Variants in FHIT observed in about 807,000 individuals in gnomAD.
The protein encoded by FHIT is fragile histidine triad diadenosine triphosphatase.
Under a neutral mutation model 17.9 loss-of-function variants are expected in FHIT, and 19 were observed. That is an observed-to-expected ratio of 1.06 (90% CI 0.74 to 1.56). The LOEUF is 1.56. Ranked by LOEUF, FHIT falls within the 40% of genes most tolerant of loss-of-function variation. FHIT has a pLI of 0.00. For missense variants in FHIT, 248 were observed against 189.2 expected (o/e 1.31, Z -1.82); for synonymous variants, 81 against 69.7 (o/e 1.16, Z -0.81).
intron 2 of FHIT, among the ~76,000 whole-genome samples, chr3:61,060,961 TAC>T (rs2034407107): frequency 6.6e-6 from 1 of 152,224 alleles, no homozygotes; most frequent in African/African-American, 2.4e-5. Flanking sequence ...GCCTCACTCC[TAC>T]TGATTCATTT....
chr3:60,439,129 G>T (rs1052224305), intron 5 of FHIT, among the ~76,000 whole-genome samples: 1 of 152,068 alleles, frequency 6.6e-6, no homozygotes, highest in African/African-American at 2.4e-5. Context: ...GCCTTAGACT[G>T]CTTTGCAGGC....
intron 5 of FHIT, among the ~76,000 whole-genome samples, chr3:60,226,147 C>T (rs777189619): frequency 6.6e-6 from 1 of 152,010 alleles, no homozygotes; most frequent in Non-Finnish European, 1.5e-5. Flanking sequence ...GACCAGAGGA[C>T]TTGTACAACA....
chr3:61,212,837 A>G (rs1191475237), intron 1 of FHIT, among the ~76,000 whole-genome samples: 1 of 152,078 alleles, frequency 6.6e-6, no homozygotes, highest in African/African-American at 2.4e-5. Context: ...AAGAGAGTGG[A>G]GGAGGCCCAT....
intron 1 of FHIT, among the ~76,000 whole-genome samples, chr3:61,224,851 T>C (rs1437285493): frequency 6.6e-6 from 1 of 152,176 alleles, no homozygotes; most frequent in East Asian, 1.9e-4. Context: ...ACAGTGTGGA[T>C]GGACACACAC....
intron 4 of FHIT, among the ~76,000 whole-genome samples, chr3:60,541,027 CCAT>C (rs2036169546): frequency 1.3e-5 from 2 of 152,180 alleles, no homozygotes; most frequent in African/African-American, 4.8e-5. Context: ...ATCAAGGCTT[CCAT>C]AGCTGTCCAG....
At chr3:60,958,342 TG>T (rs1391808166) in intron 3 of FHIT, among the ~76,000 whole-genome samples, 1 of 152,228 alleles carries the variant, frequency 6.6e-6, no homozygotes, top group East Asian at 1.9e-4. Flanking sequence ...AGTATATACA[TG>T]TCCAGCAAGA....
chr3:60,552,974 G>A (rs1198410071), intron 4 of FHIT, among the ~76,000 whole-genome samples: 1 of 152,158 alleles, frequency 6.6e-6, no homozygotes, highest in Non-Finnish European at 1.5e-5. Context: ...CATGGTCCCG[G>A]TCTGAGTGAG....
At chr3:61,007,260 C>T (rs7374239) in intron 3 of FHIT, among the ~76,000 whole-genome samples, 29,517 of 152,136 alleles carry the variant, frequency 0.19, 2,945 homozygotes, top group East Asian at 0.24. Context: ...CCCTGTCATT[C>T]GATGGAACAA....
At chr3:60,095,107 G>A (rs1158491379) in intron 5 of FHIT, among the ~76,000 whole-genome samples, 2 of 152,138 alleles carry the variant, frequency 1.3e-5, no homozygotes, top group Non-Finnish European at 2.9e-5. Context: ...CAATTATGAA[G>A]CAGGAAGTAA....
intron 4 of FHIT, among the ~76,000 whole-genome samples, chr3:60,548,524 G>A (rs1177864669): frequency 6.6e-6 from 1 of 152,120 alleles, no homozygotes; most frequent in African/African-American, 2.4e-5. Flanking sequence ...CAGATTACCT[G>A]AAAACATTTC....
chr3:60,617,956 T>C, intron 4 of FHIT: 1 of 266,776 alleles, frequency 3.7e-6, no homozygotes, highest in Non-Finnish European at 7.6e-6. Flanking sequence ...GATTCAAGCA[T>C]AAGTACTTTA....
chr3:60,428,473 C>T (rs1702758683), intron 5 of FHIT, among the ~76,000 whole-genome samples: 1 of 152,276 alleles, frequency 6.6e-6, no homozygotes, highest in South Asian at 2.1e-4. Context: ...TTGGTAGCTT[C>T]ATCAGAGCAC....
intron 8 of FHIT, among the ~76,000 whole-genome samples, chr3:59,761,913 ATTTGT>A (rs1351762888): frequency 5.3e-5 from 8 of 152,076 alleles, no homozygotes; most frequent in Admixed American, 4.6e-4. Context: ...TCATCATATA[ATTTGT>A]TTTATTTCCT....
chr3:59,947,759 G>C (rs1417700094), intron 7 of FHIT, among the ~76,000 whole-genome samples: 1 of 152,204 alleles, frequency 6.6e-6, no homozygotes. Flanking sequence ...CACTCTGACA[G>C]AGGATGCTGG....
intron 8 of FHIT, among the ~76,000 whole-genome samples, chr3:59,769,892 CTG>C (rs1701991929): frequency 6.6e-6 from 1 of 152,176 alleles, no homozygotes; most frequent in African/African-American, 2.4e-5. Context: ...ACACACAAAT[CTG>C]TTTTTACTAA....
At chr3:60,733,405 C>T (rs537637410) in intron 4 of FHIT, among the ~76,000 whole-genome samples, 19 of 152,238 alleles carry the variant, frequency 1.2e-4, no homozygotes, top group African/African-American at 3.9e-4. Context: ...TCCTGTGTAG[C>T]ACACATCTGG....
At chr3:60,009,165 A>ATG (rs753809976) in intron 7 of FHIT, among the ~76,000 whole-genome samples, 3,278 of 53,692 alleles carry the variant, frequency 0.061, 85 homozygotes, top group Admixed American at 0.067. Context: ...CTGGGATTTT[A>ATG]TGTGTGTGTG....
chr3:60,983,658 C>T (rs1052311092), intron 3 of FHIT, among the ~76,000 whole-genome samples: 8 of 152,114 alleles, frequency 5.3e-5, no homozygotes. Context: ...CAGCACAAAC[C>T]AGGCAAGCAT....
At chr3:60,516,324 A>T (rs113334281) in intron 5 of FHIT, among the ~76,000 whole-genome samples, 128 of 152,338 alleles carry the variant, frequency 8.4e-4, no homozygotes, top group African/African-American at 3.0e-3. Flanking sequence ...CAAATCTCTA[A>T]TGAATGGCTT....
Sources: allele counts gnomAD v4.1 joint callset (sites outside exome capture counted in the v4.1 genomes callset), GRCh38; gene constraint gnomAD v4.1.1; transcripts MANE v1.5; gene names NCBI Gene and HGNC (gene_info 2026-07-23, HGNC 2026-07-21).